The following SETD1B variants were observed in gnomAD, a reference collection of about 807,000 sequenced individuals.
SETD1B encodes SET domain containing 1B, histone lysine methyltransferase.
A neutral mutation model predicts 148.0 loss-of-function variants in SETD1B; 7 were observed. The ratio of observed to expected loss-of-function variants is 0.05; its 90% CI spans 0.03 to 0.09. The LOEUF is 0.09. SETD1B is among the 10% of genes least tolerant of loss of function. The pLI is 1.00. For missense variants in SETD1B, 2,155 were observed against 2,729.9 expected, an observed-to-expected ratio of 0.79 and a Z score of 4.69; for synonymous variants, 1,361 against 1,186.5, an observed-to-expected ratio of 1.15 and a Z score of -3.02.
Position 121,805,600 on chromosome 12 carries a change from C to T in SETD1B, c.274-235C>T, listed in dbSNP as rs1040914196. On this transcript the variant is annotated intron_variant, in intron 3 of 16. Transcript: ENST00000604567. The surrounding 1 kb of genome is among the most constrained non-coding windows in gnomAD (Gnocchi z 4.2). ...AGAAACTGTTTCTTTTTCCCCTTTC[C>T]TTCCGAACCCAGAGGACTTCCACGT... Among the ~76,000 whole-genome samples, 25 of 151,988 alleles carry T rather than the reference C, an allele frequency of 1.6e-4. No homozygotes were observed. Among genetic ancestry groups the T allele is most frequent in the African/African-American group, 6.0e-4 (25 of 41,348 alleles).
chr12:121,796,470 G>T, the SETD1B span, among the ~76,000 whole-genome samples: 1 of 152,218 alleles, frequency 6.6e-6, no homozygotes, highest in Non-Finnish European at 1.5e-5. Flanking sequence ...GCCAGCCCCA[G>T]TGAGGCTGGA....
At position 121,808,430 on chromosome 12, in the gene SETD1B, C is replaced by G; in HGVS notation, c.657+110C>G. 1.5e-6 allele frequency: 1 copy of G among 682,740 alleles called. No individual in the cohort carries two copies. The highest frequency in any genetic ancestry group is 2.5e-6 in the Non-Finnish European group (1 of 395,220). The allele number at this position is 682,740 out of a possible 1,614,324, so 42.3% of individuals were successfully genotyped here. A position where few individuals can be genotyped will look rare whatever the true frequency, so the allele number is the denominator to read the frequency against. On this transcript the variant is annotated intron_variant, in intron 5 of 16. Transcript: ENST00000604567. The surrounding 1 kb of genome is among the most constrained non-coding windows in gnomAD (Gnocchi z 5.3). ...GGACCCCCAGCCTACCCCCACCTCACTCCAGCTTTGGAGACCAAGGCCTAG... is the reference window on the plus strand; with the variant it reads ...GGACCCCCAGCCTACCCCCACCTCAGTCCAGCTTTGGAGACCAAGGCCTAG...
At position 121,817,044 on chromosome 12, in the gene SETD1B, C is replaced by T. The variant is rs1306320925; in HGVS notation, c.2727C>T (p.Thr909=). ...TGTCTCCACCCCAGGCCTCGCTGAC[C>T]CCGGTGAAGTCGGGCGAGCACAAGG... ...KKERMAKASL[T]PVKSGEHKDE... Residue 909 remains threonine, a synonymous_variant, in exon 8 of 17, where the codon ACC becomes ACT. Coordinates refer to ENST00000604567, the MANE Select transcript of SETD1B (RefSeq NM_001353345.2). This position sits in a 1 kb window ranked among gnomAD's most constrained non-coding sequence, Gnocchi z 8.1. 2 of 1,526,926 alleles carry T rather than the reference C, an allele frequency of 1.3e-6. No individual in the cohort carries two copies. Among genetic ancestry groups the T allele is most frequent in the East Asian group, 2.5e-5 (1 of 40,442 alleles). 94.6% of individuals were successfully genotyped at this position (1,526,926 alleles called of 1,614,324 possible).
At position 121,822,547 on chromosome 12, in the gene SETD1B, C is replaced by T. The variant is rs1009181729; in HGVS notation, c.3968C>T (p.Pro1323Leu). The T allele has an allele frequency of 1.9e-6, 3 of 1,550,944 alleles. No individual in the cohort carries two copies. The highest frequency in any genetic ancestry group is 3.9e-5 in the Admixed American group (2 of 50,912). Residue 1323 changes from proline (P) to leucine (L), a missense_variant, in exon 12 of 17, where the codon CCA becomes CTA. Coordinates refer to ENST00000604567, the MANE Select transcript of SETD1B (RefSeq NM_001353345.2). Reference sequence around the variant, plus strand: ...ATGATGCTCCCCTTGCCGCTGCAACCACCATTGCCGCCCCCACGACCACCC... The same window carrying T: ...ATGATGCTCCCCTTGCCGCTGCAACTACCATTGCCGCCCCCACGACCACCC... Reference protein sequence around the residue: ...PPMMLPLPLQPPLPPPRPPRP... With the variant: ...PPMMLPLPLQLPLPPPRPPRP...
chr12:121,831,763 A>C lies in SETD1B; in HGVS notation c.*1524A>C, dbSNP rs1337748401. ...CGCGCTCCATGAGGGAGCTGCTCCC[A>C]CCCTGCGGACGCAGGCGGCCGGAGC... On this transcript the variant is annotated 3_prime_UTR_variant, in exon 17 of 17. Coordinates refer to ENST00000604567, the MANE Select transcript of SETD1B (RefSeq NM_001353345.2). 1 of 152,186 alleles carries C rather than the reference A, an allele frequency of 6.6e-6. No homozygotes were observed. Among genetic ancestry groups the C allele is most frequent in the Non-Finnish European group, 1.5e-5 (1 of 68,034 alleles). 9.4% of individuals were successfully genotyped at this position (152,186 alleles called of 1,614,324 possible).
intron 6 of SETD1B, among the ~76,000 whole-genome samples, chr12:121,812,001 A>G (rs1165132046): frequency 6.6e-6 from 1 of 152,096 alleles, no homozygotes; most frequent in Admixed American, 6.5e-5. Flanking sequence ...AGTGTTTACC[A>G]TGCTGACCAC....
intron 6 of SETD1B, among the ~76,000 whole-genome samples, chr12:121,812,881 C>T (rs537161028): frequency 7.9e-4 from 121 of 152,236 alleles, no homozygotes; most frequent in African/African-American, 2.4e-3. Context: ...CAGTTTTCCT[C>T]TGAGGCCTTC....
At chr12:121,807,466 AG>A (rs1875802771) in intron 4 of SETD1B, among the ~76,000 whole-genome samples, 1 of 151,504 alleles carries the variant, frequency 6.6e-6, no homozygotes, top group Non-Finnish European at 1.5e-5. Context: ...AAAAAAGAAA[AG>A]AAAAGAAAAG....
chr12:121,830,243 C>G lies in SETD1B; in HGVS notation c.*4C>G. Reference sequence around the variant, plus strand: ...CTGCCGGGGGACCCTCAACTAGGCCCCGGCACCAGACTCAAAGGATGTCAG... The same window carrying G: ...CTGCCGGGGGACCCTCAACTAGGCCGCGGCACCAGACTCAAAGGATGTCAG... On this transcript the variant is annotated 3_prime_UTR_variant, in exon 17 of 17. Coordinates refer to ENST00000604567, the MANE Select transcript of SETD1B (RefSeq NM_001353345.2). This position sits in a 1 kb window ranked among gnomAD's most constrained non-coding sequence, Gnocchi z 5.7. The G allele has an allele frequency of 6.5e-7, 1 of 1,549,368 alleles. No homozygotes were observed. Among genetic ancestry groups the G allele is most frequent in the Non-Finnish European group, 8.7e-7 (1 of 1,146,376 alleles).
the SETD1B span, among the ~76,000 whole-genome samples, chr12:121,794,580 CAT>C: frequency 6.6e-6 from 1 of 152,214 alleles, no homozygotes; most frequent in Non-Finnish European, 1.5e-5. Flanking sequence ...CCAGCAGCCA[CAT>C]GTCCTTCATC....
rs1051701871 is a variant in SETD1B at position 121,808,773 on chromosome 12, G to A, written c.657+453G>A. 7.9e-5 allele frequency among the ~76,000 whole-genome samples: 12 copies of A among 152,242 alleles called. No homozygotes were observed. Among genetic ancestry groups the A allele is most frequent in the Non-Finnish European group, 1.8e-4 (12 of 68,044 alleles). Reference sequence around the variant, plus strand: ...ACTCCTTCCAAACCACTGCCTTCCAGGACACAGGGACAACTCTCGCGTGGG... The same window carrying A: ...ACTCCTTCCAAACCACTGCCTTCCAAGACACAGGGACAACTCTCGCGTGGG... On this transcript the variant is annotated intron_variant, in intron 5 of 16. Coordinates refer to ENST00000604567, the MANE Select transcript of SETD1B (RefSeq NM_001353345.2). This position sits in a 1 kb window ranked among gnomAD's most constrained non-coding sequence, Gnocchi z 5.3.
Position 121,814,491 on chromosome 12 carries a change from A to G in SETD1B, c.2276A>G (p.Asp759Gly). ...GGCCTGTTCCCTGTGATGCAGGTGG[A>G]CATGAGCCACGTGCTGGGTGGCCAG... ...PPGLFPVMQV[D>G]MSHVLGGQWG... The change falls in exon 7 of 17, where the codon GAC (aspartate) becomes GGC (glycine). Residue 759 changes from aspartate to glycine, a missense_variant. By Grantham distance (94) the Asp-to-Gly change is moderately conservative (BLOSUM62 -1). This residue lies in a region of SETD1B where 289 missense variants were observed against 423.7 expected (regional missense o/e 0.68). Transcript: ENST00000604567. 6.9e-7 allele frequency: 1 copy of G among 1,456,000 alleles called. No individual in the cohort carries two copies. The highest frequency in any genetic ancestry group is 9.1e-7 in the Non-Finnish European group (1 of 1,100,516). The allele number at this position is 1,456,000 out of a possible 1,614,324, so 90.2% of individuals were successfully genotyped here. A position where few individuals can be genotyped will look rare whatever the true frequency, so the allele number is the denominator to read the frequency against.
chr12:121,823,069 C>T lies in SETD1B; in HGVS notation c.4490C>T (p.Pro1497Leu), dbSNP rs754316555. Reference sequence around the variant, plus strand: ...GTCTTGCGGGCCCAGGCTCGTGCGCCCACCCCGCTGCCACCCCTGCTGCCC... The same window carrying T: ...GTCTTGCGGGCCCAGGCTCGTGCGCTCACCCCGCTGCCACCCCTGCTGCCC... ...PAVLRAQARA[P>L]TPLPPLLPAP... Residue 1497 changes from proline to leucine, a missense_variant, in exon 12 of 17, where the codon CCC (proline) becomes CTC (leucine). Coordinates refer to ENST00000604567, the MANE Select transcript of SETD1B (RefSeq NM_001353345.2). 1.3e-6 allele frequency: 2 copies of T among 1,513,534 alleles called. No individual in the cohort carries two copies. The allele number at this position is 1,513,534 out of a possible 1,614,324, so 93.8% of individuals were successfully genotyped here. A position where few individuals can be genotyped will look rare whatever the true frequency, so the allele number is the denominator to read the frequency against.
At chr12:121,807,473 A>G (rs1275849572) in intron 4 of SETD1B, among the ~76,000 whole-genome samples, 2 of 151,958 alleles carry the variant, frequency 1.3e-5, no homozygotes, top group Admixed American at 1.3e-4. Context: ...AAAAGAAAAG[A>G]AAAGAAAAAA....
chr12:121,816,180 C>G (rs1266796562), intron 7 of SETD1B, among the ~76,000 whole-genome samples: 2 of 152,120 alleles, frequency 1.3e-5, no homozygotes, highest in African/African-American at 4.8e-5. Context: ...TACAGGTAAT[C>G]TAAAATTACT....
intron 5 of SETD1B, 62 bp from the exon 6 acceptor site, chr12:121,809,540 GA>G: frequency 6.8e-7 from 1 of 1,466,796 alleles, no homozygotes. Context: ...AGTGAGAAGG[GA>G]AAATAGCCCT....
In SETD1B at chr12:121,804,788, G is replaced by A; in HGVS notation, c.51G>A (p.Gln17=). Residue 17 remains glutamine (Q), a synonymous_variant, in exon 2 of 17, where the codon CAG becomes CAA. Transcript: ENST00000604567. The surrounding 1 kb of genome is among the most constrained non-coding windows in gnomAD (Gnocchi z 4.6). ...ACCACCACCAGCAGCCCCCGCCGCA[G>A]CCCGGCCCTTCGGGCGAGAGGAGGA... is the stretch of plus-strand genomic sequence containing the variant. ...PHHHHQQPPP[Q]PGPSGERRNH... The A allele has an allele frequency of 6.5e-7, 1 of 1,549,476 alleles. No individual in the cohort carries two copies. The highest frequency in any genetic ancestry group is 1.4e-5 in the African/African-American group (1 of 72,838).
chr12:121,797,904 C>T, the SETD1B span: 25 of 323,346 alleles, frequency 7.7e-5, no homozygotes, highest in Non-Finnish European at 1.3e-4. Context: ...ACTTGGGCAG[C>T]GGGGAGTCTG....
chr12:121,809,518 C>T (rs768793219), intron 5 of SETD1B, 85 bp from the exon 6 acceptor site: 365 of 1,422,554 alleles, frequency 2.6e-4, no homozygotes, highest in Non-Finnish European at 3.2e-4. Flanking sequence ...CTCTGAGCTT[C>T]CCAGCAGCCA....
Sources: gnomAD v4.1 joint callset for allele counts (sites outside exome capture counted in the v4.1 genomes callset) on GRCh38, gnomAD v4.1.1 for gene constraint, gnomAD v4.1.1 regional missense constraint, Gnocchi (gnomAD v3.1) non-coding constraint, MANE v1.5 for transcripts, NCBI Gene and HGNC (gene_info 2026-07-23, HGNC 2026-07-21) for gene names.